Variants in NDUFAF6 observed in about 807,000 individuals in gnomAD.
The protein encoded by NDUFAF6 is NADH dehydrogenase (ubiquinone) complex I, assembly factor 6.
In NDUFAF6, 45 loss-of-function variants were observed where a neutral mutation model predicts 40.8. That is an observed-to-expected ratio of 1.10 (90% CI 0.87 to 1.42). The LOEUF is 1.42. Among genes scored for constraint, NDUFAF6 ranks in the 40% most tolerant of loss-of-function variants. The pLI, the probability that NDUFAF6 is intolerant of heterozygous loss-of-function variation, is 0.00. For synonymous variants in NDUFAF6, 185 were observed against 155.9 expected (o/e 1.19, Z -1.39); for missense variants, 435 against 418.5 (o/e 1.04, Z -0.34).
At chr8:95,094,009 T>C (rs1809355012) in intron 2 of NDUFAF6, among the ~76,000 whole-genome samples, 1 of 152,210 alleles carries the variant, frequency 6.6e-6, no homozygotes, top group Non-Finnish European at 1.5e-5. Flanking sequence ...CTCACTCTGT[T>C]GCCCAGGCTA....
chr8:94,961,031 A>C (rs114345692), intron 1 of NDUFAF6, among the ~76,000 whole-genome samples: 3,314 of 152,328 alleles, frequency 0.022, 115 homozygotes, highest in African/African-American at 0.076. Flanking sequence ...ACCTTTTATT[A>C]ATTATATGCA....
intron 2 of NDUFAF6, among the ~76,000 whole-genome samples, chr8:95,090,359 C>T (rs1809207525): frequency 6.6e-6 from 1 of 152,206 alleles, no homozygotes; most frequent in African/African-American, 2.4e-5. Flanking sequence ...GTGTTTACTT[C>T]ATTCTTTAGT....
At chr8:94,940,287 C>T in intron 1 of NDUFAF6, 1 of 1,511,632 alleles carries the variant, frequency 6.6e-7, no homozygotes, top group South Asian at 1.3e-5. Context: ...ATGATTATCA[C>T]ATTGGGCAGT....
chr8:94,940,936 G>C, intron 1 of NDUFAF6: 1 of 1,612,620 alleles, frequency 6.2e-7, no homozygotes, highest in Non-Finnish European at 8.5e-7. Context: ...TCAGCCTCTG[G>C]AACATTGTTA....
rs867030453 is a variant in NDUFAF6 at position 95,069,828 on chromosome 8, A to T, written c.*512-5805A>T. On this transcript the variant is annotated intron_variant and NMD_transcript_variant, in intron 9 of 9. Coordinates refer to the NDUFAF6 transcript ENST00000520757. Reference sequence around the variant, plus strand: ...ATATATATAAATATATATATATATAATATATATGTATAATATTATTTTTTT... The same window carrying T: ...ATATATATAAATATATATATATATATTATATATGTATAATATTATTTTTTT... 2.9e-4 allele frequency among the ~76,000 whole-genome samples: 42 copies of T among 144,798 alleles called. 3 individuals are homozygous for T. The highest frequency in any genetic ancestry group is 7.5e-4 in the African/African-American group (29 of 38,892). The allele number at this position is 144,798 out of a possible 152,430, so 95.0% of individuals were successfully genotyped here.
exon 10 of NDUFAF6, chr8:95,075,721 G>C (rs1239393117): frequency 7.8e-7 from 1 of 1,287,434 alleles, no homozygotes; most frequent in Non-Finnish European, 1.0e-6. Flanking sequence ...AGATTTGAAG[G>C]ACTCTGGTTC....
At chr8:94,922,399 A>AGCT (rs1212500640) in intron 1 of NDUFAF6, among the ~76,000 whole-genome samples, 54 of 151,954 alleles carry the variant, frequency 3.6e-4, no homozygotes, top group Non-Finnish European at 5.6e-4. Context: ...ATGGCTCTTG[A>AGCT]GCTAGCAGCA....
upstream of NDUFAF6, among the ~76,000 whole-genome samples, chr8:95,024,293 A>G (rs1022874630): frequency 6.6e-6 from 1 of 152,264 alleles, no homozygotes; most frequent in Admixed American, 6.5e-5. Flanking sequence ...ACAATTTTCA[A>G]GTGACAGCCA....
chr8:95,053,530 A>G (rs1198690503), intron 8 of NDUFAF6, among the ~76,000 whole-genome samples: 1 of 152,206 alleles, frequency 6.6e-6, no homozygotes, highest in Middle Eastern at 3.2e-3. Flanking sequence ...AAAAAGACCT[A>G]AACAATGCTT....
intron 2 of NDUFAF6, chr8:94,950,398 C>G (rs536759487): frequency 6.6e-6 from 1 of 152,418 alleles, no homozygotes; most frequent in East Asian, 1.9e-4. Context: ...CATGTGGATA[C>G]TGTTTGGACT....
intron 1 of NDUFAF6, among the ~76,000 whole-genome samples, chr8:94,934,431 G>C (rs961700726): frequency 1.2e-4 from 18 of 151,502 alleles, no homozygotes; most frequent in Admixed American, 3.9e-4. Flanking sequence ...TGTCACCCAG[G>C]CTGGAGTGCA....
At chr8:94,997,289 GACACACACACACACACACACACAC>G (rs57953301) in intron 2 of NDUFAF6, among the ~76,000 whole-genome samples, 12 of 94,676 alleles carry the variant, frequency 1.3e-4, no homozygotes, top group African/African-American at 4.5e-4. Context: ...CAAGAAGAAA[GACACACACACACACACACACACAC>G]ACACACACAC....
At chr8:94,932,663 T>C (rs1284221368) in intron 1 of NDUFAF6, among the ~76,000 whole-genome samples, 3 of 151,808 alleles carry the variant, frequency 2.0e-5, no homozygotes, top group Non-Finnish European at 2.9e-5. Flanking sequence ...ATTAGCTGGG[T>C]GCGGTGGCGG....
In NDUFAF6 at chr8:94,964,528, C is replaced by T. The variant is rs143335274; in HGVS notation, c.-199+6349C>T. ...AGTTCTGCAGGCTGTATAAGAAGCACGGCACCAACATCTGCTTCTGGTGAG... is the reference window on the plus strand; with the variant it reads ...AGTTCTGCAGGCTGTATAAGAAGCATGGCACCAACATCTGCTTCTGGTGAG... On this transcript the variant is annotated intron_variant, in intron 1 of 9. Transcript: ENST00000396111. Among the ~76,000 whole-genome samples, 784 of 151,874 alleles carry T rather than the reference C, an allele frequency of 5.2e-3. 1 individual carries two copies. The highest frequency in any genetic ancestry group is 7.6e-3 in the Non-Finnish European group (518 of 67,982).
chr8:94,945,246 T>C (rs1405413771), intron 1 of NDUFAF6, among the ~76,000 whole-genome samples: 1 of 152,238 alleles, frequency 6.6e-6, no homozygotes, highest in Non-Finnish European at 1.5e-5. Context: ...ATGAAAACTT[T>C]GTATCTGAAT....
intron 1 of NDUFAF6, among the ~76,000 whole-genome samples, chr8:94,966,145 G>T (rs1438668757): frequency 6.6e-6 from 1 of 152,150 alleles, no homozygotes; most frequent in Non-Finnish European, 1.5e-5. Context: ...GCATCGGTTT[G>T]TAAGTCCTTA....
chr8:95,052,328 G>A (rs1345760617), intron 8 of NDUFAF6, 98 bp downstream of exon 8: 15 of 1,329,592 alleles, frequency 1.1e-5, no homozygotes, highest in East Asian at 4.6e-5. Context: ...TCTTTAGTTC[G>A]GAGCCTTTGT....
intron 9 of NDUFAF6, among the ~76,000 whole-genome samples, chr8:95,063,785 A>C (rs747225289): frequency 6.6e-6 from 1 of 151,544 alleles, no homozygotes; most frequent in Non-Finnish European, 1.5e-5. Context: ...AAACCTCAGG[A>C]TCTCTTTTAT....
chr8:95,063,588 C>T (rs542899518), downstream of NDUFAF6, among the ~76,000 whole-genome samples: 4 of 152,298 alleles, frequency 2.6e-5, no homozygotes, highest in South Asian at 6.2e-4. Flanking sequence ...CACAGCGAGA[C>T]TCTGTCTCAA....
Sources: allele counts gnomAD v4.1 joint callset (sites outside exome capture counted in the v4.1 genomes callset), GRCh38; gene constraint gnomAD v4.1.1; transcripts MANE v1.5; gene names NCBI Gene and HGNC (gene_info 2026-07-23, HGNC 2026-07-21).